The following CTR9 variants were observed in gnomAD, a reference collection of about 807,000 sequenced individuals.
The protein encoded by CTR9 is RNA polymerase-associated protein CTR9 homolog.
A neutral mutation model predicts 152.1 loss-of-function variants in CTR9; 41 were observed. That is an observed-to-expected ratio of 0.27 (90% CI 0.21 to 0.35). CTR9 has a LOEUF of 0.35. CTR9 is among the 10% of genes least tolerant of loss of function. CTR9 has a pLI of 1.00. For missense variants in CTR9, 917 were observed against 1,424.4 expected, an observed-to-expected ratio of 0.64 and a Z score of 5.73; for synonymous variants, 476 against 496.2, an observed-to-expected ratio of 0.96 and a Z score of 0.54.
chr11:10,771,475 A>C (rs1218531059), intron 18 of CTR9, 70 bp from the exon 19 acceptor site: 7 of 1,185,248 alleles, frequency 5.9e-6, no homozygotes, highest in Non-Finnish European at 8.7e-6. Flanking sequence ...GCACAGATTA[A>C]ATTTTTTAAG....
At chr11:10,756,718 A>G (rs775102742) in intron 4 of CTR9, 31 bp from the exon 5 acceptor site, 13 of 1,480,940 alleles carry the variant, frequency 8.8e-6, no homozygotes, top group Admixed American at 7.1e-5. Flanking sequence ...CTTTAATCAG[A>G]CACTGTGTTT....
chr11:10,772,140 G>A (rs1050091080), intron 19 of CTR9, among the ~76,000 whole-genome samples: 3 of 152,082 alleles, frequency 2.0e-5, no homozygotes, highest in Non-Finnish European at 4.4e-5. Flanking sequence ...CGGATCAGCT[G>A]AGGTCAGGAG....
At chr11:10,770,459 A>G (rs763493292) in intron 17 of CTR9, 28 bp from the exon 18 acceptor site, 37 of 1,603,798 alleles carry the variant, frequency 2.3e-5, no homozygotes, top group South Asian at 5.6e-5. Context: ...TCATTTGAAC[A>G]TATGAAATAT....
At chr11:10,765,744 G>C (rs1473174801) in intron 12 of CTR9, among the ~76,000 whole-genome samples, 1 of 152,218 alleles carries the variant, frequency 6.6e-6, no homozygotes, top group African/African-American at 2.4e-5. Flanking sequence ...TTATAGGCGT[G>C]AGCCACCGTG....
chr11:10,771,596 C>T lies in CTR9; in HGVS notation c.2424C>T (p.Ala808=). 1 of 1,612,220 alleles carries T rather than the reference C, an allele frequency of 6.2e-7. No individual in the cohort carries two copies. Among genetic ancestry groups the T allele is most frequent in the Non-Finnish European group, 8.5e-7 (1 of 1,178,582 alleles). The change falls in exon 19 of 25, where the codon GCC becomes GCT. Residue 808 remains alanine, a synonymous_variant. Coordinates refer to ENST00000361367, the MANE Select transcript of CTR9 (RefSeq NM_014633.5). ...GAGATAAAATGAGATTTGATTTGGC[C>T]CTTGCTGCTACAGAAGCCAGGTAAT... is the stretch of plus-strand genomic sequence containing the variant. The part of the protein sequence containing the change: ...KVGDKMRFDL[A]LAATEARQCS...
In CTR9 at chr11:10,775,522, C is replaced by T; in HGVS notation, c.2984C>T (p.Pro995Leu). Reference sequence around the variant, plus strand: ...TCTATTATGTTTGACATTCTTTAGCCCAAGCCAGAACGTCTGCCTCCATCA... The same window carrying T: ...TCTATTATGTTTGACATTCTTTAGCTCAAGCCAGAACGTCTGCCTCCATCA... Reference protein sequence around the residue: ...RPPKAEKKKAPKPERLPPSMK... With the variant: ...RPPKAEKKKALKPERLPPSMK... Residue 995 changes from proline (P) to leucine (L), a missense_variant and splice_region_variant, in exon 24 of 25, where the codon CCC (proline) becomes CTC (leucine). Transcript: ENST00000361367. 1.9e-6 allele frequency: 3 copies of T among 1,611,118 alleles called. No individual in the cohort carries two copies. Among genetic ancestry groups the T allele is most frequent in the Non-Finnish European group, 2.5e-6 (3 of 1,178,104 alleles).
chr11:10,770,620 A>G lies in CTR9; in HGVS notation c.2360A>G (p.Glu787Gly). The G allele has an allele frequency of 6.2e-7, 1 of 1,609,664 alleles. No homozygotes were observed. Among genetic ancestry groups the G allele is most frequent in the Non-Finnish European group, 8.5e-7 (1 of 1,179,016 alleles). The change falls in exon 18 of 25, where the codon GAG (glutamate) becomes GGG (glycine). Residue 787 changes from glutamate to glycine, a missense_variant. Coordinates refer to ENST00000361367, the MANE Select transcript of CTR9 (RefSeq NM_014633.5). The part of the protein sequence containing the change: ...KEVLNAVKEL[E>G]LAHRYFSYLS... ...GTACTTAATGCTGTGAAAGAACTGG[A>G]GCTTGCACATAGGTAAAGATTTTGT...
rs763916114 is a variant in CTR9 at position 10,772,596 on chromosome 11, C to G, written c.2521C>G (p.Leu841Val). 1 of 1,611,776 alleles carries G rather than the reference C, an allele frequency of 6.2e-7. No homozygotes were observed. Among genetic ancestry groups the G allele is most frequent in the Admixed American group, 1.7e-5 (1 of 59,702 alleles). The part of the protein sequence containing the change: ...ARKQDEEERE[L>V]RAKQEQEKEL... ...CAAACAAGATGAAGAAGAGCGGGAG[C>G]TGCGGGCCAAGCAAGAGCAAGAAAA... is the stretch of plus-strand genomic sequence containing the variant. The change falls in exon 20 of 25, where the codon CTG becomes GTG. Residue 841 changes from leucine to valine, a missense_variant. Transcript: ENST00000361367.
At chr11:10,774,762 C>T (rs1290872344) in intron 22 of CTR9, among the ~76,000 whole-genome samples, 1 of 152,290 alleles carries the variant, frequency 6.6e-6, no homozygotes, top group Non-Finnish European at 1.5e-5. Context: ...CTTCCCAACC[C>T]TTGGCCGACT....
Position 10,767,627 on chromosome 11 carries a change from A to G in CTR9, c.1687-179A>G. The G allele has an allele frequency of 4.7e-6, 3 of 631,944 alleles. No individual in the cohort carries two copies. Among genetic ancestry groups the G allele is most frequent in the South Asian group, 2.0e-5 (1 of 49,828 alleles). 39.1% of individuals were successfully genotyped at this position (631,944 alleles called of 1,614,324 possible). On this transcript the variant is annotated intron_variant, in intron 13 of 24. Coordinates refer to ENST00000361367, the MANE Select transcript of CTR9 (RefSeq NM_014633.5). The surrounding 1 kb of genome is among the most constrained non-coding windows in gnomAD (Gnocchi z 4.0). The stretch of plus-strand genomic sequence containing the variant: ...CAATTTTGTATAACTTAGCTTTAGC[A>G]TTAGTAGTTCGATAAATTTGGATTG...
intron 21 of CTR9, among the ~76,000 whole-genome samples, chr11:10,773,653 C>T (rs1009979144): frequency 5.3e-5 from 8 of 151,978 alleles, no homozygotes; most frequent in East Asian, 3.9e-4. Flanking sequence ...TTTGGGAGGC[C>T]GAGGTGGGCA....
chr11:10,775,348 A>G (rs938347005), intron 23 of CTR9, 45 bp downstream of exon 23: 2 of 1,521,902 alleles, frequency 1.3e-6, no homozygotes, highest in Non-Finnish European at 1.8e-6. Flanking sequence ...GTAGATGTGA[A>G]AGATTGCAGT....
At chr11:10,775,413 A>T (rs1590028396) in intron 23 of CTR9, 108 bp from the exon 24 acceptor site, 1 of 1,383,382 alleles carries the variant, frequency 7.2e-7, no homozygotes. Context: ...GCTTGTTTTC[A>T]AAGTTCATCA....
intron 22 of CTR9, 40 bp downstream of exon 22, chr11:10,774,209 A>C: frequency 1.3e-6 from 2 of 1,563,672 alleles, no homozygotes. Flanking sequence ...ACCTCATAAA[A>C]GTGGTGAAAG....
At position 10,760,363 on chromosome 11, in the gene CTR9, C is replaced by G. The variant is rs778642519; in HGVS notation, c.741+42C>G. The G allele has an allele frequency of 4.5e-6, 7 of 1,570,364 alleles. No homozygotes were observed. In the East Asian group the frequency reaches 1.1e-4, roughly 25 times the overall value. On this transcript the variant is annotated intron_variant, in intron 6 of 24. Coordinates refer to ENST00000361367, the MANE Select transcript of CTR9 (RefSeq NM_014633.5). ...AGTATCTAGCTCCTAACTGCTTTGT[C>G]AGGCCCACAGCCTCTTATCTAAAAC... is the stretch of plus-strand genomic sequence containing the variant.
chr11:10,774,363 G>A (rs1020475673), intron 22 of CTR9, 194 bp downstream of exon 22: 20 of 513,726 alleles, frequency 3.9e-5, no homozygotes, highest in African/African-American at 1.2e-4. Flanking sequence ...ATTTCCATAC[G>A]TCTCCACAGC....
In CTR9 at chr11:10,755,680, C is replaced by T; in HGVS notation, c.387C>T (p.Asn129=). The T allele has an allele frequency of 6.3e-7, 1 of 1,595,368 alleles. No homozygotes were observed. The highest frequency in any genetic ancestry group is 8.6e-7 in the Non-Finnish European group (1 of 1,163,500). Reference sequence around the variant, plus strand: ...TAAGATAATACATTACTTCATAGAACCATTTGTTGGGAAGAGCCTGCTTCT... The same window carrying T: ...TAAGATAATACATTACTTCATAGAATCATTTGTTGGGAAGAGCCTGCTTCT... The part of the protein sequence containing the change: ...MADKIIMYDQ[N]HLLGRACFCL... Residue 129 remains asparagine, a splice_region_variant and synonymous_variant, in exon 4 of 25, where the codon AAC becomes AAT. Transcript: ENST00000361367.
chr11:10,754,495 G>T (rs1407698380), intron 2 of CTR9, among the ~76,000 whole-genome samples: 1 of 152,144 alleles, frequency 6.6e-6, no homozygotes, highest in Non-Finnish European at 1.5e-5. Context: ...GTATATACCT[G>T]TGAAACCATC....
chr11:10,751,259 C>T lies in CTR9; in HGVS notation c.-154C>T, dbSNP rs187714236. ...CGTCCGCTGCTCGTTGTTTAAGCGG[C>T]TGACGGGAAGGAGAAGCCAGAGCTC... On this transcript the variant is annotated 5_prime_UTR_variant, in exon 1 of 25. Transcript: ENST00000361367. 2.7e-6 allele frequency: 2 copies of T among 736,680 alleles called. No homozygotes were observed. The highest frequency in any genetic ancestry group is 5.1e-5 in the Admixed American group (2 of 39,564). 45.6% of individuals were successfully genotyped at this position (736,680 alleles called of 1,614,324 possible).
Sources: allele counts gnomAD v4.1 joint callset (sites outside exome capture counted in the v4.1 genomes callset), GRCh38; gene constraint gnomAD v4.1.1; non-coding constraint Gnocchi (gnomAD v3.1); transcripts MANE v1.5; gene names NCBI Gene and HGNC (gene_info 2026-07-23, HGNC 2026-07-21).